The following SCGB2B2 variants were observed in gnomAD, a reference collection of about 807,000 sequenced individuals.
SCGB2B2 encodes secretoglobin family 2B member 2.
In SCGB2B2, 11 loss-of-function variants were observed where a neutral mutation model predicts 7.6. The observed-to-expected ratio is 1.45, with a 90% confidence interval of 0.91 to 2.40. The LOEUF (loss-of-function observed/expected upper bound fraction) is 2.40, where lower values mean the gene tolerates loss of function less well. Among genes scored for constraint, SCGB2B2 ranks in the 30% most tolerant of loss-of-function variants. SCGB2B2 has a pLI of 0.00. For synonymous variants in SCGB2B2, 50 were observed against 48.6 expected (o/e 1.03, Z -0.12); for missense variants, 104 against 115.4 (o/e 0.90, Z 0.45).
At chr19:34,588,446 G>T (rs561361941), downstream of SCGB2B2, among the ~76,000 whole-genome samples, 1 of 152,162 alleles carries the variant, frequency 6.6e-6, no homozygotes, top group African/African-American at 2.4e-5. Flanking sequence ...GAGTCAGGCC[G>T]GGCCAGGTGG....
Position 34,591,435 on chromosome 19 carries a change from G to A in SCGB2B2, c.*2120C>T, listed in dbSNP as rs571013006. Among the ~76,000 whole-genome samples the A allele has an allele frequency of 5.9e-5, 9 of 152,240 alleles. No individual in the cohort carries two copies. The highest frequency in any genetic ancestry group is 1.7e-4 in the African/African-American group (7 of 41,548). ...CAGGGCTGCACTGTGACAAGGCCACGGTGTCTACCTGGACGGCCACAGGGA... is the reference window on the plus strand; with the variant it reads ...CAGGGCTGCACTGTGACAAGGCCACAGTGTCTACCTGGACGGCCACAGGGA... On this transcript the variant is annotated 3_prime_UTR_variant, in exon 4 of 4. Transcript: ENST00000601241.
intron 1 of SCGB2B2, among the ~76,000 whole-genome samples, chr19:34,616,353 G>A (rs1446664983): frequency 7.4e-6 from 1 of 134,642 alleles, no homozygotes; most frequent in Non-Finnish European, 1.7e-5. Context: ...AGCACCTGTT[G>A]TTTCCTGACT....
chr19:34,672,312 A>T (rs1055608), intron 1 of SCGB2B2, among the ~76,000 whole-genome samples: 1 of 150,542 alleles, frequency 6.6e-6, no homozygotes. Flanking sequence ...GTTTTTCTCT[A>T]TTGCTATTCT....
intron 1 of SCGB2B2, among the ~76,000 whole-genome samples, chr19:34,669,181 G>A (rs1189996936): frequency 3.3e-5 from 5 of 152,022 alleles, no homozygotes; most frequent in East Asian, 1.9e-4. Flanking sequence ...GAGGGTCCGC[G>A]ACTTCATTCT....
intron 1 of SCGB2B2, among the ~76,000 whole-genome samples, chr19:34,648,800 G>T (rs2067087687): frequency 1.3e-5 from 2 of 151,756 alleles, no homozygotes; most frequent in Non-Finnish European, 1.5e-5. Flanking sequence ...AATGCAAAAA[G>T]AACATGTTGC....
intron 1 of SCGB2B2, among the ~76,000 whole-genome samples, chr19:34,666,604 C>T (rs1269334969): frequency 1.3e-5 from 2 of 152,118 alleles, no homozygotes; most frequent in African/African-American, 2.4e-5. Context: ...CAGGTCCCAG[C>T]CAAGCCACGC....
chr19:34,615,312 C>T (rs909389362), intron 1 of SCGB2B2, among the ~76,000 whole-genome samples: 4 of 152,136 alleles, frequency 2.6e-5, no homozygotes, highest in Non-Finnish European at 5.9e-5. Context: ...GTGGTGAGGT[C>T]TGTGGGTGTC....
intron 1 of SCGB2B2, among the ~76,000 whole-genome samples, chr19:34,654,743 A>G (rs2067240184): frequency 6.6e-6 from 1 of 150,670 alleles, no homozygotes; most frequent in Non-Finnish European, 1.5e-5. Context: ...TTCATCTCCA[A>G]TCCAAGAAAT....
In SCGB2B2 at chr19:34,591,486, C is replaced by T. The variant is rs536790574; in HGVS notation, c.*2069G>A. Reference sequence around the variant, plus strand: ...CTCCCAGTTGGTCTTCCTGCCTCTACTGCCGCCCCCGTTGCTCTATTCCAA... The same window carrying T: ...CTCCCAGTTGGTCTTCCTGCCTCTATTGCCGCCCCCGTTGCTCTATTCCAA... On this transcript the variant is annotated 3_prime_UTR_variant, in exon 4 of 4. Transcript: ENST00000601241. Among the ~76,000 whole-genome samples, 41 of 152,342 alleles carry T rather than the reference C, an allele frequency of 2.7e-4. 1 individual carries two copies. The highest frequency in any genetic ancestry group is 9.6e-4 in the African/African-American group (40 of 41,578).
chr19:34,615,439 ATTTTT>A (rs74183311), intron 1 of SCGB2B2, among the ~76,000 whole-genome samples: 1 of 133,690 alleles, frequency 7.5e-6, no homozygotes, highest in Non-Finnish European at 1.6e-5. Flanking sequence ...GAGGTCCAGC[ATTTTT>A]TTTTTTTTTT....
chr19:34,620,085 A>C (rs566729035), intron 1 of SCGB2B2, among the ~76,000 whole-genome samples: 1 of 152,200 alleles, frequency 6.6e-6, no homozygotes, highest in Admixed American at 6.5e-5. Flanking sequence ...TAAATTGCCT[A>C]TCAGATACTA....
chr19:34,616,604 G>T (rs1321359137), intron 1 of SCGB2B2, among the ~76,000 whole-genome samples: 11 of 137,902 alleles, frequency 8.0e-5, no homozygotes, highest in African/African-American at 2.7e-4. Flanking sequence ...CAGATGAGTA[G>T]GTTGCGAAAA....
chr19:34,632,835 AG>A (rs2066572500), intron 1 of SCGB2B2: 1 of 152,244 alleles, frequency 6.6e-6, no homozygotes, highest in South Asian at 2.1e-4. Context: ...AGATGGCAAA[AG>A]CCTTGACCCA....
chr19:34,605,164 A>T (rs1003712626), intron 1 of SCGB2B2, among the ~76,000 whole-genome samples: 24 of 152,192 alleles, frequency 1.6e-4, no homozygotes, highest in Non-Finnish European at 1.5e-4. Context: ...TCCTTCACAG[A>T]TCTTATAATC....
chr19:34,647,364 C>T (rs976080200), intron 1 of SCGB2B2, among the ~76,000 whole-genome samples: 2 of 152,184 alleles, frequency 1.3e-5, no homozygotes, highest in African/African-American at 4.8e-5. Context: ...AACCTCAGGC[C>T]CTTTCTGCAG....
intron 1 of SCGB2B2, among the ~76,000 whole-genome samples, chr19:34,631,738 CTT>C (rs1039698277): frequency 3.9e-5 from 6 of 151,916 alleles, no homozygotes; most frequent in Non-Finnish European, 8.8e-5. Flanking sequence ...ATCCACAATA[CTT>C]TTATTAGAAA....
intron 1 of SCGB2B2, among the ~76,000 whole-genome samples, chr19:34,627,813 T>C (rs549817191): frequency 6.6e-6 from 1 of 152,316 alleles, no homozygotes; most frequent in East Asian, 1.9e-4. Flanking sequence ...ATCAACAGAA[T>C]ATACATTCTT....
At chr19:34,634,803 A>G in intron 1 of SCGB2B2, 1 of 218,732 alleles carries the variant, frequency 4.6e-6, no homozygotes, top group Non-Finnish European at 1.0e-5. Context: ...TTGAACAAGT[A>G]TAGATTTAAC....
At chr19:34,636,123 A>T (rs1180707348) in intron 1 of SCGB2B2, among the ~76,000 whole-genome samples, 2 of 152,356 alleles carry the variant, frequency 1.3e-5, no homozygotes, top group East Asian at 3.9e-4. Flanking sequence ...ATTAGAAACC[A>T]ACAACCTGAA....
Sources: gnomAD v4.1 joint callset for allele counts (sites outside exome capture counted in the v4.1 genomes callset) on GRCh38, gnomAD v4.1.1 for gene constraint, MANE v1.5 for transcripts, NCBI Gene and HGNC (gene_info 2026-07-23, HGNC 2026-07-21) for gene names.